USP26: variants seen among roughly 807,000 people sequenced by gnomAD.
USP26 encodes ubiquitin specific peptidase 26, also known as ubiquitin carboxyl-terminal hydrolase 26.
For missense variants in USP26, 649 were observed against 642.3 expected, an observed-to-expected ratio of 1.01 and a Z score of -0.11; for synonymous variants, 236 against 240.6, an observed-to-expected ratio of 0.98 and a Z score of 0.18.
intron 5 of USP26, among the ~76,000 whole-genome samples, chrX:133,071,221 T>A (rs956087040): frequency 5.5e-5 from 6 of 109,045 alleles, no homozygotes; most frequent in Non-Finnish European, 1.1e-4. Flanking sequence ...ATCACAAAAA[T>A]AATAATAATA....
At position 133,074,769 on chromosome X, in the gene USP26, T is replaced by G. The variant is rs765720199; in HGVS notation, c.-77+8938A>C. On this transcript the variant is annotated intron_variant, in intron 5 of 5. Transcript: ENST00000511190. The stretch of plus-strand genomic sequence containing the variant: ...CAGTGTTTCTGACAACTCTAGAGAT[T>G]TATAGCCTGAATGTAGAATTATTCT... Among the ~76,000 whole-genome samples the G allele has an allele frequency of 3.6e-5, 4 of 112,479 alleles. No individual in the cohort carries two copies. In the South Asian group the frequency reaches 1.5e-3, roughly 41 times the overall value.
chrX:133,030,661 C>T lies in USP26; in HGVS notation c.-76-2365G>A, dbSNP rs1036995714. Among the ~76,000 whole-genome samples, 4 of 111,927 alleles carry T rather than the reference C, an allele frequency of 3.6e-5. No individual in the cohort carries two copies. The East Asian group carries it at 1.1e-3, about 31-fold the overall frequency. On this transcript the variant is annotated intron_variant, in intron 5 of 5. Transcript: ENST00000511190. Reference sequence around the variant, plus strand: ...TACCCTCTGTATCCTCCATTTATATCTCACACCACTCAGGCTTTCATTATT... The same window carrying T: ...TACCCTCTGTATCCTCCATTTATATTTCACACCACTCAGGCTTTCATTATT...
At chrX:133,095,108 A>AAAAAG (rs1556000598) in intron 1 of USP26, among the ~76,000 whole-genome samples, 58 of 102,810 alleles carry the variant, frequency 5.6e-4, no homozygotes, top group Admixed American at 1.2e-3. Context: ...AAAAAAAAAA[A>AAAAAG]AAAGAAAGAA....
chrX:133,072,782 CCTT>C (rs2067534846), intron 5 of USP26, among the ~76,000 whole-genome samples: 1 of 111,794 alleles, frequency 8.9e-6, no homozygotes, highest in African/African-American at 3.3e-5. Flanking sequence ...CTGGAAGAAA[CCTT>C]ATAGGTCACA....
intron 5 of USP26, among the ~76,000 whole-genome samples, chrX:133,031,203 G>T (rs1423176667): frequency 8.9e-6 from 1 of 112,054 alleles, no homozygotes; most frequent in African/African-American, 3.2e-5. Flanking sequence ...TACCCATGAG[G>T]TGGTGTGCCA....
Position 133,083,768 on chromosome X carries a change from G to A in USP26, c.-138C>T, listed in dbSNP as rs777295150. The A allele has an allele frequency of 4.5e-5, 5 of 111,763 alleles. No homozygotes were observed. The highest frequency in any genetic ancestry group is 3.8e-4 in the Admixed American group (4 of 10,498). The allele number at this position is 111,763 out of a possible 1,213,427, so 9.2% of individuals were successfully genotyped here. ...CAGCCCAGGTTAAAGCAGAAACAGG[G>A]AATCTGTTGGGAAGAGGTCAAAATT... On this transcript the variant is annotated 5_prime_UTR_variant, in exon 5 of 6. Coordinates refer to ENST00000511190, the MANE Select transcript of USP26 (RefSeq NM_031907.3).
At chrX:133,078,359 T>C (rs968662632) in intron 5 of USP26, among the ~76,000 whole-genome samples, 1 of 111,734 alleles carries the variant, frequency 8.9e-6, no homozygotes, top group East Asian at 2.8e-4. Flanking sequence ...TTTTATTTTG[T>C]TTTTAAGGAT....
rs2067342392 is a variant in USP26, at chrX:133,025,559, T to A, written c.2662A>T (p.Ile888Phe). Residue 888 changes from isoleucine to phenylalanine, a missense_variant, in exon 6 of 6, where the codon ATC becomes TTC. Transcript: ENST00000511190. Reference sequence around the variant, plus strand: ...TCTCTTTTCAACATCTCTTCAAAGATCTCATTATGCATGTAAAAGAAGATG... The same window carrying A: ...TCTCTTTTCAACATCTCTTCAAAGAACTCATTATGCATGTAAAAGAAGATG... ...GYIFFYMHNE[I>F]FEEMLKREEN... The A allele has an allele frequency of 1.7e-6, 2 of 1,211,191 alleles. No homozygotes were observed. The highest frequency in any genetic ancestry group is 2.2e-6 in the Non-Finnish European group (2 of 895,378).
chrX:133,055,054 G>T (rs1022731894), intron 5 of USP26, among the ~76,000 whole-genome samples: 12 of 112,171 alleles, frequency 1.1e-4, no homozygotes, highest in South Asian at 3.7e-4. Context: ...ATCCTTAAAA[G>T]AATGCATCTG....
chrX:133,095,713 A>T (rs966352179), intron 1 of USP26, among the ~76,000 whole-genome samples: 1 of 111,438 alleles, frequency 9.0e-6, no homozygotes, highest in African/African-American at 3.3e-5. Context: ...AGGTCCTCAT[A>T]CGTGGCCAAG....
intron 5 of USP26, among the ~76,000 whole-genome samples, chrX:133,072,165 A>G: frequency 8.9e-6 from 1 of 112,205 alleles, no homozygotes; most frequent in Admixed American, 9.4e-5. Context: ...TACAATGTCA[A>G]CAGAGTAACA....
At chrX:133,028,929 C>T (rs111968506) in intron 5 of USP26, among the ~76,000 whole-genome samples, 3,846 of 112,017 alleles carry the variant, frequency 0.034, 96 homozygotes, top group East Asian at 0.1. Context: ...TTACATTGTA[C>T]TTGCTCATTC....
chrX:133,054,028 T>A (rs1323097660), intron 5 of USP26, among the ~76,000 whole-genome samples: 1 of 109,609 alleles, frequency 9.1e-6, no homozygotes, highest in Admixed American at 9.7e-5. Context: ...GAGAGGAGAG[T>A]TTGGGTAATG....
intron 5 of USP26, among the ~76,000 whole-genome samples, chrX:133,048,361 G>A (rs1262265931): frequency 9.0e-6 from 1 of 111,539 alleles, no homozygotes; most frequent in Admixed American, 9.5e-5. Flanking sequence ...CTTATTTGGG[G>A]TTTGACTTTG....
chrX:133,039,746 T>C (rs2067410900), intron 5 of USP26, among the ~76,000 whole-genome samples: 2 of 111,514 alleles, frequency 1.8e-5, no homozygotes, highest in Non-Finnish European at 3.8e-5. Flanking sequence ...TAAATATCCT[T>C]GTTAATTTTC....
intron 5 of USP26, among the ~76,000 whole-genome samples, chrX:133,053,892 C>T (rs958123542): frequency 9.0e-6 from 1 of 111,730 alleles, no homozygotes; most frequent in African/African-American, 3.2e-5. Context: ...GTACAGTCTC[C>T]TTTTTCCAGT....
Position 133,026,185 on chromosome X carries a change from C to G in USP26, c.2036G>C (p.Ser679Thr). 8.3e-7 allele frequency: 1 copy of G among 1,210,826 alleles called. No homozygotes were observed. Among genetic ancestry groups the G allele is most frequent in the Non-Finnish European group, 1.1e-6 (1 of 895,425 alleles). The change falls in exon 6 of 6, where the codon AGC (serine) becomes ACC (threonine). Residue 679 changes from serine to threonine, a missense_variant. Transcript: ENST00000511190. Reference protein sequence around the residue: ...FHKAGGKPASSPGTPLSKVDF... With the variant: ...FHKAGGKPASTPGTPLSKVDF... Reference sequence around the variant, plus strand: ...AACTTTTGAGAGAGGTGTGCCTGGGCTGCTGGCAGGTTTACCTCCAGCTTT... The same window carrying G: ...AACTTTTGAGAGAGGTGTGCCTGGGGTGCTGGCAGGTTTACCTCCAGCTTT...
intron 5 of USP26, among the ~76,000 whole-genome samples, chrX:133,042,656 C>T (rs1447557585): frequency 1.8e-5 from 2 of 111,952 alleles, no homozygotes; most frequent in East Asian, 5.6e-4. Flanking sequence ...CTTGGCCCCT[C>T]CTCCAAGGAG....
rs1364752681 is a variant in USP26 at position 133,027,481 on chromosome X, G to A, written c.740C>T (p.Pro247Leu). 1 of 1,211,015 alleles carries A rather than the reference G, an allele frequency of 8.3e-7. No individual in the cohort carries two copies. Among genetic ancestry groups the A allele is most frequent in the Non-Finnish European group, 1.1e-6 (1 of 894,903 alleles). ...GAGAAGACCAATGTCATCTAGGTAA[G>A]GATTTCCAGTGGCGTTCATGATGCA... ...SSCIMNATGN[P>L]YLDDIGLLQA... Residue 247 changes from proline to leucine, a missense_variant, in exon 6 of 6, where the codon CCT becomes CTT. Transcript: ENST00000511190.
Sources: allele counts gnomAD v4.1 joint callset (sites outside exome capture counted in the v4.1 genomes callset), GRCh38; gene constraint gnomAD v4.1.1; transcripts MANE v1.5; gene names NCBI Gene and HGNC (gene_info 2026-07-23, HGNC 2026-07-21).